RANGRF: variants seen among roughly 807,000 people sequenced by gnomAD.
RANGRF encodes the protein RAN guanine nucleotide release factor.
In RANGRF, 17 loss-of-function variants were observed where a neutral mutation model predicts 21.8. The observed-to-expected ratio is 0.78, with a 90% CI of 0.53 to 1.17. The LOEUF (loss-of-function observed/expected upper bound fraction) is 1.17. Among genes scored for constraint, RANGRF ranks in the 50% most tolerant of loss-of-function variants. RANGRF has a pLI of 0.00. For missense variants in RANGRF, 225 were observed against 235.5 expected (o/e 0.96, Z 0.29); for synonymous variants, 97 against 94.3 (o/e 1.03, Z -0.17).
rs1307337716 is a variant in RANGRF at position 8,289,171 on chromosome 17, C to T, written c.195-87C>T. On this transcript the variant is annotated intron_variant, in intron 2 of 4. Coordinates refer to ENST00000226105, the MANE Select transcript of RANGRF (RefSeq NM_016492.5). Reference sequence around the variant, plus strand: ...TTAATCCGGGCGGTGAGACCACGCACGGGCCGGGAGCCAGGCCTGCAACTT... The same window carrying T: ...TTAATCCGGGCGGTGAGACCACGCATGGGCCGGGAGCCAGGCCTGCAACTT... The T allele has an allele frequency of 3.7e-6, 6 of 1,600,816 alleles. No homozygotes were observed. In the East Asian group the frequency reaches 6.7e-5, roughly 18 times the overall value.
Position 8,288,819 on chromosome 17 carries a change from G to C in RANGRF, c.31G>C (p.Gly11Arg). The C allele has an allele frequency of 6.2e-7, 1 of 1,614,156 alleles. No individual in the cohort carries two copies. The change falls in exon 1 of 5, where the codon GGG becomes CGG. Residue 11 changes from glycine to arginine, a missense_variant. Physicochemically the swap from Gly to Arg is moderately radical, Grantham distance 125. Coordinates refer to ENST00000226105, the MANE Select transcript of RANGRF (RefSeq NM_016492.5). MEPTRDCPLF[G>R]GAFSAILPMG... ...GCCCACGAGAGACTGCCCGCTGTTCGGGGGCGCCTTTTCCGCCATCCTCCC... is the reference window on the plus strand; with the variant it reads ...GCCCACGAGAGACTGCCCGCTGTTCCGGGGCGCCTTTTCCGCCATCCTCCC...
At chr17:8,289,707 AGG>A in intron 4 of RANGRF, 104 bp from the exon 5 acceptor site, 21 of 1,612,592 alleles carry the variant, frequency 1.3e-5, no homozygotes, top group Non-Finnish European at 1.7e-5. Context: ...AGTGGGCCAG[AGG>A]TTTGGGGTAA....
At position 8,290,054 on chromosome 17, in the gene RANGRF, A is replaced by G; in HGVS notation, c.*118A>G. On this transcript the variant is annotated 3_prime_UTR_variant, in exon 5 of 5. Coordinates refer to ENST00000226105, the MANE Select transcript of RANGRF (RefSeq NM_016492.5). ...CTTCCCTGTGCGTAAACATAAGACAATCCCTCTTCAGAATAAACTTGCTTT... is the reference window on the plus strand; with the variant it reads ...CTTCCCTGTGCGTAAACATAAGACAGTCCCTCTTCAGAATAAACTTGCTTT... The G allele has an allele frequency of 6.4e-7, 1 of 1,571,232 alleles. No homozygotes were observed. The highest frequency in any genetic ancestry group is 1.8e-5 in the Admixed American group (1 of 54,802).
In RANGRF at chr17:8,289,311, A is replaced by G; in HGVS notation, c.248A>G (p.Glu83Gly). The G allele has an allele frequency of 6.2e-7, 1 of 1,614,028 alleles. No individual in the cohort carries two copies. Among genetic ancestry groups the G allele is most frequent in the Non-Finnish European group, 8.5e-7 (1 of 1,180,008 alleles). Residue 83 changes from glutamate to glycine, a missense_variant, in exon 3 of 5, where the codon GAG (glutamate) becomes GGG (glycine). Glu to Gly is a moderately conservative substitution (Grantham distance 98). Transcript: ENST00000226105. ...CAGGGGGCTAGGGCTGTCCATGTGG[A>G]GTCTGTTCAGCCTCTCAGTTTGGAG... ...GVQGARAVHV[E>G]SVQPLSLENL...
At position 8,289,838 on chromosome 17, in the gene RANGRF, C is replaced by T. The variant is rs763547107; in HGVS notation, c.463C>T (p.Pro155Ser). ...CCCTGACAACAGGTCATCTCTTGGCCCCGAAAATCTGTCACCTGCACCCTG... is the reference window on the plus strand; with the variant it reads ...CCCTGACAACAGGTCATCTCTTGGCTCCGAAAATCTGTCACCTGCACCCTG... The part of the protein sequence containing the change: ...PPPDNRSSLG[P>S]ENLSPAPWSL... The change falls in exon 5 of 5, where the codon CCC (proline) becomes TCC (serine). Residue 155 changes from proline to serine, a missense_variant. Coordinates refer to ENST00000226105, the MANE Select transcript of RANGRF (RefSeq NM_016492.5). 6.2e-6 allele frequency: 10 copies of T among 1,614,096 alleles called. No individual in the cohort carries two copies. Among genetic ancestry groups the T allele is most frequent in the South Asian group, 5.5e-5 (5 of 91,072 alleles).
rs757066623 is a variant in RANGRF, at chr17:8,289,242, CG to C, written c.195-15del. The C allele has an allele frequency of 2.5e-6, 4 of 1,612,858 alleles. No individual in the cohort carries two copies. The East Asian group carries it at 8.9e-5, about 36-fold the overall frequency. On this transcript the variant is annotated splice_polypyrimidine_tract_variant and intron_variant, in intron 2 of 4. Transcript: ENST00000226105. ...GACCAGAGATGTCCCTTCCTGACCC[CG>C]CTTCCCTACTCCAGGTACCACTTTG...
At position 8,289,392 on chromosome 17, in the gene RANGRF, A is replaced by G. The variant is rs142184017; in HGVS notation, c.329A>G (p.Gln110Arg). 2 of 1,613,984 alleles carry G rather than the reference A, an allele frequency of 1.2e-6. No homozygotes were observed. Among genetic ancestry groups the G allele is most frequent in the African/African-American group, 2.7e-5 (2 of 74,916 alleles). ...QEAWVLSGKQ[Q>R]IAKENQQVAK... ...GCCTGGGTCCTCTCTGGCAAGCAGC[A>G]GATAGCTAAGGAAAACCAGCAGGTG... is the stretch of plus-strand genomic sequence containing the variant. The change falls in exon 3 of 5, where the codon CAG becomes CGG. Residue 110 changes from glutamine to arginine, a missense_variant. Gln to Arg is a conservative substitution (Grantham distance 43, BLOSUM62 1). Coordinates refer to ENST00000226105, the MANE Select transcript of RANGRF (RefSeq NM_016492.5).
At position 8,289,405 on chromosome 17, in the gene RANGRF, A is replaced by T. The variant is rs746452604; in HGVS notation, c.342A>T (p.Glu114Asp). The part of the protein sequence containing the change: ...VLSGKQQIAK[E>D]NQQVAKDVTL... ...CTGGCAAGCAGCAGATAGCTAAGGA[A>T]AACCAGCAGGTGAGGGCCCGAGAGT... The change falls in exon 3 of 5, where the codon GAA becomes GAT. Residue 114 changes from glutamate (E) to aspartate (D), a missense_variant. Coordinates refer to ENST00000226105, the MANE Select transcript of RANGRF (RefSeq NM_016492.5). The T allele has an allele frequency of 3.7e-6, 6 of 1,613,938 alleles. No homozygotes were observed. In the African/African-American group the frequency reaches 6.7e-5, roughly 18 times the overall value.
chr17:8,288,670 G>T lies in RANGRF; in HGVS notation c.-119G>T. 8.6e-7 allele frequency: 1 copy of T among 1,165,328 alleles called. No individual in the cohort carries two copies. Among genetic ancestry groups the T allele is most frequent in the Non-Finnish European group, 1.3e-6 (1 of 780,340 alleles). 72.2% of individuals were successfully genotyped at this position (1,165,328 alleles called of 1,614,324 possible). A position where few individuals can be genotyped will look rare whatever the true frequency, so the allele number is the denominator to read the frequency against. On this transcript the variant is annotated 5_prime_UTR_variant, in exon 1 of 5. Coordinates refer to ENST00000226105, the MANE Select transcript of RANGRF (RefSeq NM_016492.5). ...GGCGGAGCCAAATCTTAAAGGATCCGGGAGCTAAGCCAGACCCGGGTGGCG... is the reference window on the plus strand; with the variant it reads ...GGCGGAGCCAAATCTTAAAGGATCCTGGAGCTAAGCCAGACCCGGGTGGCG...
At position 8,288,797 on chromosome 17, in the gene RANGRF, C is replaced by A; in HGVS notation, c.9C>A (p.Pro3=). Residue 3 remains proline, a synonymous_variant, in exon 1 of 5, where the codon CCC becomes CCA. Coordinates refer to ENST00000226105, the MANE Select transcript of RANGRF (RefSeq NM_016492.5). ...AACCCAGCCTCAGACCCATGGAGCC[C>A]ACGAGAGACTGCCCGCTGTTCGGGG... ME[P]TRDCPLFGGA... 6.2e-7 allele frequency: 1 copy of A among 1,614,144 alleles called. No individual in the cohort carries two copies. The highest frequency in any genetic ancestry group is 8.5e-7 in the Non-Finnish European group (1 of 1,180,048).
chr17:8,289,137 G>A, intron 2 of RANGRF, 65 bp downstream of exon 2: 1 of 1,602,206 alleles, frequency 6.2e-7, no homozygotes. Context: ...CGGGGCCCGC[G>A]GCCGACGGTT....
chr17:8,288,686 C>T lies in RANGRF; in HGVS notation c.-103C>T. 7.6e-7 allele frequency: 1 copy of T among 1,322,596 alleles called. No individual in the cohort carries two copies. Among genetic ancestry groups the T allele is most frequent in the Non-Finnish European group, 1.1e-6 (1 of 918,246 alleles). The allele number at this position is 1,322,596 out of a possible 1,614,324, so 81.9% of individuals were successfully genotyped here. ...AAAGGATCCGGGAGCTAAGCCAGAC[C>T]CGGGTGGCGGTGGCAGCTGCGAAAC... is the stretch of plus-strand genomic sequence containing the variant. On this transcript the variant is annotated 5_prime_UTR_variant, in exon 1 of 5. Coordinates refer to ENST00000226105, the MANE Select transcript of RANGRF (RefSeq NM_016492.5).
chr17:8,288,777 A>G lies in RANGRF; in HGVS notation c.-12A>G, dbSNP rs1313361022. On this transcript the variant is annotated 5_prime_UTR_variant, in exon 1 of 5. Transcript: ENST00000226105. ...TAAACCTTTCTAATGCCCATAACCC[A>G]GCCTCAGACCCATGGAGCCCACGAG... 1 of 1,613,914 alleles carries G rather than the reference A, an allele frequency of 6.2e-7. No individual in the cohort carries two copies. Among genetic ancestry groups the G allele is most frequent in the East Asian group, 2.2e-5 (1 of 44,880 alleles).
chr17:8,289,451 G>C (rs764262761), intron 3 of RANGRF, 37 bp downstream of exon 3: 22 of 1,614,056 alleles, frequency 1.4e-5, no homozygotes, highest in Admixed American at 1.0e-4. Context: ...CTGGAAGGGC[G>C]GTAGCGGGGA....
rs149958174 is a variant in RANGRF at position 8,289,069 on chromosome 17, C to T, written c.191C>T (p.Ala64Val). 6.2e-7 allele frequency: 1 copy of T among 1,613,392 alleles called. No individual in the cohort carries two copies. Among genetic ancestry groups the T allele is most frequent in the Admixed American group, 1.7e-5 (1 of 60,036 alleles). ...LQAHVRGEAA[A>V]RYHFEDVGGV... is the part of the protein sequence containing the mutation. Reference sequence around the variant, plus strand: ...GCCCACGTACGGGGCGAAGCGGCTGCGCGGTGAGGGAATGGCCCCCGGCTG... The same window carrying T: ...GCCCACGTACGGGGCGAAGCGGCTGTGCGGTGAGGGAATGGCCCCCGGCTG... Residue 64 changes from alanine to valine, a missense_variant, in exon 2 of 5, where the codon GCG becomes GTG. By Grantham distance (64) the Ala-to-Val change is moderately conservative. Transcript: ENST00000226105.
chr17:8,289,164 C>T, intron 2 of RANGRF, 92 bp downstream of exon 2: 3 of 1,600,202 alleles, frequency 1.9e-6, no homozygotes, highest in Non-Finnish European at 2.6e-6. Flanking sequence ...GGCGGTGAGA[C>T]CACGCACGGG....
chr17:8,289,053 C>T lies in RANGRF; in HGVS notation c.175C>T (p.Arg59Trp), dbSNP rs772883477. ...ACTTCTCGAGCTGCAGGCCCACGTA[C>T]GGGGCGAAGCGGCTGCGCGGTGAGG... ...VELLELQAHV[R>W]GEAAARYHFE... Residue 59 changes from arginine (R) to tryptophan (W), a missense_variant, in exon 2 of 5, where the codon CGG (arginine) becomes TGG (tryptophan). By Grantham distance (101) the Arg-to-Trp change is moderately radical. Transcript: ENST00000226105. 4 of 1,613,664 alleles carry T rather than the reference C, an allele frequency of 2.5e-6. No individual in the cohort carries two copies. The highest frequency in any genetic ancestry group is 2.5e-6 in the Non-Finnish European group (3 of 1,179,978).
rs573442352 is a variant in RANGRF, at chr17:8,290,071, A to G, written c.*135A>G. 5.5e-5 allele frequency: 85 copies of G among 1,550,974 alleles called. No homozygotes were observed. The East Asian group carries it at 1.9e-3, about 34-fold the overall frequency. ...ATAAGACAATCCCTCTTCAGAATAA[A>G]CTTGCTTTATAATCAATATAATCTC... On this transcript the variant is annotated 3_prime_UTR_variant, in exon 5 of 5. Transcript: ENST00000226105.
Position 8,289,172 on chromosome 17 carries a change from G to T in RANGRF, c.195-86G>T, listed in dbSNP as rs60272214. 1,670 of 1,598,976 alleles carry T rather than the reference G, an allele frequency of 1.0e-3. 11 individuals carry two copies. In the African/African-American group the frequency reaches 0.019, roughly 19 times the overall value. ...TAATCCGGGCGGTGAGACCACGCAC[G>T]GGCCGGGAGCCAGGCCTGCAACTTA... is the stretch of plus-strand genomic sequence containing the variant. On this transcript the variant is annotated intron_variant, in intron 2 of 4. Coordinates refer to ENST00000226105, the MANE Select transcript of RANGRF (RefSeq NM_016492.5).
Sources: allele counts gnomAD v4.1 joint callset, GRCh38; gene constraint gnomAD v4.1.1; transcripts MANE v1.5; gene names NCBI Gene and HGNC (gene_info 2026-07-23, HGNC 2026-07-21).